The following ADAMTS15 variants were observed in gnomAD, a reference collection of about 807,000 sequenced individuals.
ADAMTS15 encodes A disintegrin and metalloproteinase with thrombospondin motifs 15.
Under a neutral mutation model 79.1 loss-of-function variants are expected in ADAMTS15, and 35 were observed. The ratio of observed to expected loss-of-function variants is 0.44; its 90% confidence interval spans 0.34 to 0.59. ADAMTS15 has a LOEUF of 0.59. Among genes scored for constraint, ADAMTS15 ranks in the 20% least tolerant of loss-of-function variants. ADAMTS15 has a pLI of 0.02. For missense variants in ADAMTS15, 1,324 were observed against 1,318.7 expected, an observed-to-expected ratio of 1.00 and a Z score of -0.06; for synonymous variants, 616 against 567.3, an observed-to-expected ratio of 1.09 and a Z score of -1.22.
intron 4 of ADAMTS15, among the ~76,000 whole-genome samples, chr11:130,464,509 C>A (rs1938263177): frequency 6.6e-6 from 1 of 152,230 alleles, no homozygotes; most frequent in Non-Finnish European, 1.5e-5. Context: ...TCCCAGATTA[C>A]TCCCTCTGGG....
chr11:130,469,294 T>C lies in ADAMTS15; in HGVS notation c.1575T>C (p.Tyr525=). 7.1e-7 allele frequency: 1 copy of C among 1,402,390 alleles called. No individual in the cohort carries two copies. The highest frequency in any genetic ancestry group is 9.3e-7 in the Non-Finnish European group (1 of 1,073,304). 86.9% of individuals were successfully genotyped at this position (1,402,390 alleles called of 1,614,324 possible). ...GTTCCTGGGCCAAATGGGATCCCTA[T>C]GGCCCCTGCTCGCGCACATGTGGTG... ...VDGSWAKWDP[Y]GPCSRTCGGG... Residue 525 remains tyrosine (Y), a synonymous_variant, in exon 5 of 8, where the codon TAT becomes TAC. Coordinates refer to ENST00000299164, the MANE Select transcript of ADAMTS15 (RefSeq NM_139055.4).
rs1291996736 is a variant in ADAMTS15 at position 130,469,314 on chromosome 11, G to A, written c.1595G>A (p.Cys532Tyr). The A allele has an allele frequency of 7.1e-7, 1 of 1,400,130 alleles. No homozygotes were observed. The highest frequency in any genetic ancestry group is 2.8e-5 in the East Asian group (1 of 36,268). 86.7% of individuals were successfully genotyped at this position (1,400,130 alleles called of 1,614,324 possible). A position where few individuals can be genotyped will look rare whatever the true frequency, so the allele number is the denominator to read the frequency against. ...CCCTATGGCCCCTGCTCGCGCACAT[G>A]TGGTGGGGGCGTGCAGCTGGCCAGG... ...WDPYGPCSRT[C>Y]GGGVQLARRQ... is the part of the protein sequence containing the mutation. Residue 532 changes from cysteine to tyrosine, a missense_variant, in exon 5 of 8, where the codon TGT (cysteine) becomes TAT (tyrosine). By Grantham distance (194) the Cys-to-Tyr change is radical. Transcript: ENST00000299164.
In ADAMTS15 at chr11:130,459,025, GTTTTTTTT is replaced by G. The variant is rs757221690; in HGVS notation, c.958-2445_958-2438del. 8.0e-5 allele frequency among the ~76,000 whole-genome samples: 6 copies of G among 75,408 alleles called. 1 individual carries two copies. The highest frequency in any genetic ancestry group is 7.0e-4 in the Admixed American group (5 of 7,098). 49.5% of individuals were successfully genotyped at this position (75,408 alleles called of 152,430 possible). A position where few individuals can be genotyped will look rare whatever the true frequency, so the allele number is the denominator to read the frequency against. On this transcript the variant is annotated intron_variant, in intron 1 of 7. Coordinates refer to ENST00000299164, the MANE Select transcript of ADAMTS15 (RefSeq NM_139055.4). ...GTCGGGTGAAGGTCCCCTCCCAAGT[GTTTTTTTT>G]TTTTTTTTTTTTTTTTTTGAGACAG...
In ADAMTS15 at chr11:130,473,780, A is replaced by G. The variant is rs1938518557; in HGVS notation, c.2812A>G (p.Lys938Glu). The change falls in exon 8 of 8, where the codon AAG becomes GAG. Residue 938 changes from lysine (K) to glutamate (E), a missense_variant. Coordinates refer to ENST00000299164, the MANE Select transcript of ADAMTS15 (RefSeq NM_139055.4). ...CCGGGACCAGTGCAACTTGCACCGC[A>G]AGCCCCAGGAGCTGGACTTCTGCGT... Reference protein sequence around the residue: ...LARDQCNLHRKPQELDFCVLR... With the variant: ...LARDQCNLHREPQELDFCVLR... 1.3e-6 allele frequency: 2 copies of G among 1,598,772 alleles called. No individual in the cohort carries two copies. The highest frequency in any genetic ancestry group is 2.7e-5 in the African/African-American group (2 of 74,934).
At chr11:130,458,857 GGTCCTACACCACACCC>G (rs374411932) in intron 1 of ADAMTS15, among the ~76,000 whole-genome samples, 1 of 151,930 alleles carries the variant, frequency 6.6e-6, no homozygotes, top group African/African-American at 2.4e-5. Flanking sequence ...AGCCTTGCTG[GGTCCTACACCACACCC>G]GTCCTACACC....
At position 130,472,975 on chromosome 11, in the gene ADAMTS15, A is replaced by AG; in HGVS notation, c.2079-72_2079-71insG. ...ACCGAAAGCTAGGTTTACTGAGGAA[A>AG]ACAGATCCTGGAGCATAAGGTCCTC... On this transcript the variant is annotated intron_variant, in intron 7 of 7. Transcript: ENST00000299164. The surrounding 1 kb of genome is among the most constrained non-coding windows in gnomAD (Gnocchi z 4.7). The AG allele has an allele frequency of 6.4e-7, 1 of 1,559,146 alleles. No homozygotes were observed.
Position 130,469,358 on chromosome 11 carries a change from AC to A in ADAMTS15, c.1643del (p.Pro548LeufsTer11). The A allele has an allele frequency of 7.4e-7, 1 of 1,355,852 alleles. No homozygotes were observed. Among genetic ancestry groups the A allele is most frequent in the Non-Finnish European group, 9.6e-7 (1 of 1,045,558 alleles). The allele number at this position is 1,355,852 out of a possible 1,614,324, so 84.0% of individuals were successfully genotyped here. A position where few individuals can be genotyped will look rare whatever the true frequency, so the allele number is the denominator to read the frequency against. ...GGCCAGGAGGCAGTGCACCAACCCC[AC>A]CCCTGCCAACGGGGGCAAGTACTGC... is the stretch of plus-strand genomic sequence containing the variant. ...QLARRQCTNP[T>X]PANGGKYCEG... On this transcript the variant is annotated frameshift_variant, in exon 5 of 8. Transcript: ENST00000299164. LOFTEE classifies it high-confidence loss of function.
chr11:130,461,761 T>C, intron 2 of ADAMTS15, 140 bp downstream of exon 2: 2 of 1,343,642 alleles, frequency 1.5e-6, no homozygotes, highest in Non-Finnish European at 1.0e-6. Context: ...AGCAGCAGCT[T>C]TGTACTTTTT....
rs1377950880 is a variant in ADAMTS15 at position 130,462,585 on chromosome 11, G to A, written c.1347G>A (p.Glu449=). The change falls in exon 4 of 8, where the codon GAG becomes GAA. Residue 449 remains glutamate, a synonymous_variant. Coordinates refer to ENST00000299164, the MANE Select transcript of ADAMTS15 (RefSeq NM_139055.4). This position sits in a 1 kb window ranked among gnomAD's most constrained non-coding sequence, Gnocchi z 4.3. ...GASYTLSQQC[E]LAFGVGSKPC... is the part of the protein sequence containing the mutation. ...GCTACACCCTGAGCCAGCAGTGCGA[G>A]CTGGCTTTTGGCGTGGGCTCCAAGC... 2 of 1,613,738 alleles carry A rather than the reference G, an allele frequency of 1.2e-6. No homozygotes were observed. The highest frequency in any genetic ancestry group is 1.3e-5 in the African/African-American group (1 of 75,062).
At chr11:130,468,870 G>C (rs1323863284) in intron 4 of ADAMTS15, among the ~76,000 whole-genome samples, 1 of 148,586 alleles carries the variant, frequency 6.7e-6, no homozygotes, top group Non-Finnish European at 1.5e-5. Flanking sequence ...CTGGGAGGTG[G>C]AGGTTGCAGT....
In ADAMTS15 at chr11:130,449,677, G is replaced by C. The variant is rs745556844; in HGVS notation, c.704G>C (p.Gly235Ala). ...GACGAGTCAATGGTCAAGTTCCACGGCGCGGACCTGGAACATTATCTGCTG... is the reference window on the plus strand; with the variant it reads ...GACGAGTCAATGGTCAAGTTCCACGCCGCGGACCTGGAACATTATCTGCTG... ...VADESMVKFH[G>A]ADLEHYLLTL... The change falls in exon 1 of 8, where the codon GGC (glycine) becomes GCC (alanine). Residue 235 changes from glycine to alanine, a missense_variant. Physicochemically the swap from Gly to Ala is moderately conservative, Grantham distance 60. Coordinates refer to ENST00000299164, the MANE Select transcript of ADAMTS15 (RefSeq NM_139055.4). The surrounding 1 kb of genome is among the most constrained non-coding windows in gnomAD (Gnocchi z 7.8). The C allele has an allele frequency of 1.0e-5, 16 of 1,602,596 alleles. No homozygotes were observed. Among genetic ancestry groups the C allele is most frequent in the African/African-American group, 2.7e-5 (2 of 74,772 alleles).
At chr11:130,451,639 G>A (rs1937962897) in intron 1 of ADAMTS15, among the ~76,000 whole-genome samples, 2 of 152,112 alleles carry the variant, frequency 1.3e-5, no homozygotes, top group South Asian at 2.1e-4. Flanking sequence ...TGCCCCATTC[G>A]TTACCTGGGC....
intron 1 of ADAMTS15, among the ~76,000 whole-genome samples, chr11:130,454,316 G>C (rs1938030393): frequency 6.6e-6 from 1 of 152,102 alleles, no homozygotes; most frequent in Non-Finnish European, 1.5e-5. Context: ...CCTGAGCTTG[G>C]TGCTATCTTC....
At chr11:130,468,775 A>AT (rs1555080746) in intron 4 of ADAMTS15, among the ~76,000 whole-genome samples, 1 of 149,208 alleles carries the variant, frequency 6.7e-6, no homozygotes, top group African/African-American at 2.5e-5. Flanking sequence ...AAAAAAAAAA[A>AT]AAAAAAAAAT....
intron 4 of ADAMTS15, among the ~76,000 whole-genome samples, 198 bp from the exon 5 acceptor site, chr11:130,469,064 T>A (rs1366065997): frequency 1.6e-4 from 24 of 151,966 alleles, no homozygotes. Context: ...GTTTGCTCAT[T>A]AGTTGGTTGG....
At position 130,448,933 on chromosome 11, in the gene ADAMTS15, C is replaced by G. The variant is rs377664067; in HGVS notation, c.-41C>G. 461 of 1,448,948 alleles carry G rather than the reference C, an allele frequency of 3.2e-4. 3 individuals carry two copies. In the African/African-American group the frequency reaches 5.2e-3, roughly 16 times the overall value. The allele number at this position is 1,448,948 out of a possible 1,614,324, so 89.8% of individuals were successfully genotyped here. On this transcript the variant is annotated 5_prime_UTR_variant, in exon 1 of 8. Coordinates refer to ENST00000299164, the MANE Select transcript of ADAMTS15 (RefSeq NM_139055.4). ...CGCGGCAGCGGCCGGAGAGCCCGGC[C>G]CAGCCCCTTCCCACAGCGCGGCGGT...
chr11:130,465,564 T>C (rs2134731173), intron 4 of ADAMTS15, among the ~76,000 whole-genome samples: 2 of 152,362 alleles, frequency 1.3e-5, no homozygotes, highest in Middle Eastern at 3.4e-3. Flanking sequence ...GCTTGCTGTC[T>C]CCAATTCCAT....
chr11:130,471,369 C>T lies in ADAMTS15; in HGVS notation c.2064C>T (p.Leu688=). The T allele has an allele frequency of 6.2e-7, 1 of 1,608,908 alleles. No homozygotes were observed. The highest frequency in any genetic ancestry group is 8.5e-7 in the Non-Finnish European group (1 of 1,178,878). The change falls in exon 7 of 8, where the codon CTC becomes CTT. Residue 688 remains leucine (L), a synonymous_variant. Coordinates refer to ENST00000299164, the MANE Select transcript of ADAMTS15 (RefSeq NM_139055.4). The part of the protein sequence containing the change: ...DNKSCKKVTG[L]FTKPMHGYNF... Reference sequence around the variant, plus strand: ...AGAGCTGCAAGAAGGTGACTGGACTCTTCACCAAGCCCATGTGAGTTCTGG... The same window carrying T: ...AGAGCTGCAAGAAGGTGACTGGACTTTTCACCAAGCCCATGTGAGTTCTGG...
chr11:130,452,157 G>A (rs1937975691), intron 1 of ADAMTS15, among the ~76,000 whole-genome samples: 4 of 152,120 alleles, frequency 2.6e-5, no homozygotes, highest in Admixed American at 2.6e-4. Flanking sequence ...TATTTGATGA[G>A]AACAGGAGGG....
Sources: allele counts gnomAD v4.1 joint callset (sites outside exome capture counted in the v4.1 genomes callset), GRCh38; gene constraint gnomAD v4.1.1; non-coding constraint Gnocchi (gnomAD v3.1); transcripts MANE v1.5; gene names NCBI Gene and HGNC (gene_info 2026-07-23, HGNC 2026-07-21).